Variants in ADAMTS17 observed in about 807,000 individuals in gnomAD.
ADAMTS17 encodes the protein ADAM metallopeptidase with thrombospondin type 1 motif 17.
Under a neutral mutation model 141.5 loss-of-function variants are expected in ADAMTS17, and 113 were observed. The observed-to-expected ratio is 0.80, with a 90% confidence interval of 0.69 to 0.93. The LOEUF is 0.93. Among genes scored for constraint, ADAMTS17 ranks in the 40% least tolerant of loss-of-function variants. The pLI is 0.00. For synonymous variants in ADAMTS17, 768 were observed against 630.6 expected (o/e 1.22, Z -3.27); for missense variants, 1,659 against 1,517.9 (o/e 1.09, Z -1.54).
intron 8 of ADAMTS17, among the ~76,000 whole-genome samples, chr15:100,160,715 T>C (rs542095827): frequency 9.2e-5 from 14 of 152,334 alleles, no homozygotes; most frequent in African/African-American, 3.1e-4. Context: ...CCAAGGAATG[T>C]TCCAGTCAGC....
chr15:100,127,510 CG>C (rs1028987561), intron 12 of ADAMTS17, among the ~76,000 whole-genome samples: 13 of 152,318 alleles, frequency 8.5e-5, no homozygotes, highest in African/African-American at 3.1e-4. Context: ...GGGCTCCAAA[CG>C]TGGCCTGCCG....
In ADAMTS17 at chr15:100,048,970, C is replaced by G. The variant is rs200164355; in HGVS notation, c.2478G>C (p.Ser826=). The G allele has an allele frequency of 4.3e-6, 7 of 1,614,014 alleles. No homozygotes were observed. In the East Asian group the frequency reaches 6.7e-5, roughly 15 times the overall value. ...CGGGERRTIV[S]CTRIVNKTTT... is the part of the protein sequence containing the mutation. ...TGGTCTTGTTGACAATCCGTGTACA[C>G]GAGACGATGGTTCTGCGCTCCCCTG... The change falls in exon 18 of 22, where the codon TCG becomes TCC. Residue 826 remains serine, a synonymous_variant. Transcript: ENST00000268070.
At chr15:100,252,769 T>C (rs2043193437) in intron 7 of ADAMTS17, among the ~76,000 whole-genome samples, 3 of 152,244 alleles carry the variant, frequency 2.0e-5, no homozygotes, top group Admixed American at 2.0e-4. Context: ...GGCTGGTTGC[T>C]TCTTGACATC....
At chr15:100,102,911 C>A in intron 14 of ADAMTS17, among the ~76,000 whole-genome samples, 1 of 152,200 alleles carries the variant, frequency 6.6e-6, no homozygotes, top group East Asian at 1.9e-4. Flanking sequence ...TCCGACCCTC[C>A]ATTCTCAAGC....
intron 15 of ADAMTS17, among the ~76,000 whole-genome samples, chr15:100,075,071 T>A (rs2034273584): frequency 6.6e-6 from 1 of 152,212 alleles, no homozygotes; most frequent in Admixed American, 6.5e-5. Flanking sequence ...TAGGCCCGTA[T>A]ATTTATACTT....
chr15:100,287,410 G>A (rs371547121), intron 3 of ADAMTS17, among the ~76,000 whole-genome samples: 11 of 152,272 alleles, frequency 7.2e-5, no homozygotes, highest in East Asian at 1.9e-4. Flanking sequence ...TCGATCAGCC[G>A]TTGGCATCCT....
chr15:100,103,114 G>A (rs1031512411), intron 14 of ADAMTS17, among the ~76,000 whole-genome samples: 1 of 152,212 alleles, frequency 6.6e-6, no homozygotes, highest in African/African-American at 2.4e-5. Context: ...CATGGAAGAG[G>A]CAGGAACATG....
At chr15:100,156,890 A>G (rs924030237) in intron 8 of ADAMTS17, among the ~76,000 whole-genome samples, 6 of 152,238 alleles carry the variant, frequency 3.9e-5, no homozygotes, top group African/African-American at 1.4e-4. Flanking sequence ...GCTTTGTGTG[A>G]GGAAAGTGTA....
chr15:100,284,888 G>C (rs2044396785), intron 3 of ADAMTS17, among the ~76,000 whole-genome samples: 1 of 152,192 alleles, frequency 6.6e-6, no homozygotes, highest in Non-Finnish European at 1.5e-5. Context: ...AGTGCAGGTG[G>C]GTGGGCGTGT....
At chr15:100,145,412 G>A (rs2038854519) in intron 10 of ADAMTS17, among the ~76,000 whole-genome samples, 1 of 152,226 alleles carries the variant, frequency 6.6e-6, no homozygotes, top group South Asian at 2.1e-4. Flanking sequence ...CTAGCAAGTA[G>A]TAGTATTTTT....
At chr15:100,035,212 C>G (rs1480957) in intron 18 of ADAMTS17, among the ~76,000 whole-genome samples, 17,703 of 152,200 alleles carry the variant, frequency 0.12, 2,740 homozygotes, top group African/African-American at 0.36. Flanking sequence ...CAGGTTTCAC[C>G]ATATTAGCTC....
intron 7 of ADAMTS17, among the ~76,000 whole-genome samples, chr15:100,238,357 T>A (rs1256140904): frequency 2.6e-5 from 4 of 152,160 alleles, no homozygotes; most frequent in Admixed American, 6.5e-5. Context: ...ATGAGTTGCA[T>A]CCCCTCCAGT....
intron 7 of ADAMTS17, among the ~76,000 whole-genome samples, chr15:100,214,696 A>G (rs192990736): frequency 6.6e-6 from 1 of 152,344 alleles, no homozygotes; most frequent in East Asian, 1.9e-4. Context: ...TGGAAATCAC[A>G]GAATGTTCTA....
At chr15:100,010,255 A>G (rs2061136245) in intron 18 of ADAMTS17, among the ~76,000 whole-genome samples, 1 of 152,234 alleles carries the variant, frequency 6.6e-6, no homozygotes, top group African/African-American at 2.4e-5. Context: ...GCATGAGAAC[A>G]GACTAATACA....
intron 15 of ADAMTS17, among the ~76,000 whole-genome samples, chr15:100,059,316 G>A (rs1455256035): frequency 1.3e-5 from 2 of 152,242 alleles, no homozygotes; most frequent in Non-Finnish European, 2.9e-5. Flanking sequence ...CTGGCGCACT[G>A]CAAATGCAGC....
chr15:99,985,794 C>T (rs2060573436), intron 20 of ADAMTS17, among the ~76,000 whole-genome samples: 1 of 152,192 alleles, frequency 6.6e-6, no homozygotes, highest in South Asian at 2.1e-4. Flanking sequence ...ATGAGATACC[C>T]TGAGGGAACG....
chr15:100,151,762 G>A (rs2039176183), intron 10 of ADAMTS17, among the ~76,000 whole-genome samples: 1 of 152,042 alleles, frequency 6.6e-6, no homozygotes, highest in Non-Finnish European at 1.5e-5. Flanking sequence ...CTGTGGCCAG[G>A]GCCTTCCCTG....
intron 3 of ADAMTS17, among the ~76,000 whole-genome samples, chr15:100,294,833 A>G (rs554533996): frequency 4.6e-5 from 7 of 152,306 alleles, no homozygotes; most frequent in Admixed American, 4.6e-4. Context: ...AAAACCACCT[A>G]TTTGAACCGT....
At chr15:100,025,498 A>AC (rs1204466775) in intron 18 of ADAMTS17, among the ~76,000 whole-genome samples, 3 of 142,058 alleles carry the variant, frequency 2.1e-5, no homozygotes, top group African/African-American at 7.9e-5. Flanking sequence ...TGCAACCTCC[A>AC]CCCCCAGGGT....
Sources: gnomAD v4.1 joint callset for allele counts (sites outside exome capture counted in the v4.1 genomes callset) on GRCh38, gnomAD v4.1.1 for gene constraint, MANE v1.5 for transcripts, NCBI Gene and HGNC (gene_info 2026-07-23, HGNC 2026-07-21) for gene names.